PLEKHM2: variants seen among roughly 807,000 people sequenced by gnomAD.
PLEKHM2 encodes pleckstrin homology and RUN domain containing M2.
In PLEKHM2, 77 loss-of-function variants were observed where a neutral mutation model predicts 116.3. The ratio of observed to expected loss-of-function variants is 0.66; its 90% confidence interval spans 0.55 to 0.80. The LOEUF (loss-of-function observed/expected upper bound fraction) is 0.80, where lower values mean the gene tolerates loss of function less well. PLEKHM2 is among the 30% of genes least tolerant of loss of function. PLEKHM2 has a pLI of 0.00. For missense variants in PLEKHM2, 1,183 were observed against 1,354.9 expected, an observed-to-expected ratio of 0.87 and a Z score of 1.99; for synonymous variants, 562 against 571.0, an observed-to-expected ratio of 0.98 and a Z score of 0.22.
In PLEKHM2 at chr1:15,728,551, C is replaced by T; in HGVS notation, c.1922-118C>T. ...CCCTCTGTGAGCACTCCACGCCATT[C>T]TCCTACTGCAGGGCAAGGAGAGGCC... On this transcript the variant is annotated intron_variant, in intron 11 of 19. Coordinates refer to ENST00000375799, the MANE Select transcript of PLEKHM2 (RefSeq NM_015164.4). The surrounding 1 kb of genome is among the most constrained non-coding windows in gnomAD (Gnocchi z 5.9). 1 of 1,044,954 alleles carries T rather than the reference C, an allele frequency of 9.6e-7. No individual in the cohort carries two copies. The highest frequency in any genetic ancestry group is 1.4e-6 in the Non-Finnish European group (1 of 694,786). The allele number at this position is 1,044,954 out of a possible 1,614,324, so 64.7% of individuals were successfully genotyped here.
intron 1 of PLEKHM2, among the ~76,000 whole-genome samples, chr1:15,692,204 T>C (rs1047693420): frequency 6.6e-6 from 1 of 152,186 alleles, no homozygotes; most frequent in Non-Finnish European, 1.5e-5. Flanking sequence ...ACTATTTGGT[T>C]TAGATCAATA....
Position 15,728,839 on chromosome 1 carries a change from G to T in PLEKHM2, c.1986+106G>T. 9.1e-7 allele frequency: 1 copy of T among 1,094,790 alleles called. No individual in the cohort carries two copies. The highest frequency in any genetic ancestry group is 1.4e-5 in the South Asian group (1 of 73,314). 67.8% of individuals were successfully genotyped at this position (1,094,790 alleles called of 1,614,324 possible). A position where few individuals can be genotyped will look rare whatever the true frequency, so the allele number is the denominator to read the frequency against. ...GGCACGGCCCCTTACTCCCCTCCCG[G>T]GGTTGGGCACCAACTTAACTCTCAG... is the stretch of plus-strand genomic sequence containing the variant. On this transcript the variant is annotated intron_variant, in intron 12 of 19. Coordinates refer to ENST00000375799, the MANE Select transcript of PLEKHM2 (RefSeq NM_015164.4). This position sits in a 1 kb window ranked among gnomAD's most constrained non-coding sequence, Gnocchi z 5.9.
intron 1 of PLEKHM2, among the ~76,000 whole-genome samples, chr1:15,697,865 A>AGTGGCACAATCTCAGCTCACTG (rs1641030994): frequency 6.6e-6 from 1 of 151,704 alleles, no homozygotes; most frequent in Non-Finnish European, 1.5e-5. Flanking sequence ...CACCCCCTGC[A>AGTGGCACAATCTCAGCTCACTG]TATCTTTCAA....
rs1386042575 is a variant in PLEKHM2 at position 15,723,636 on chromosome 1, G to A, written c.713-1681G>A. On this transcript the variant is annotated intron_variant, in intron 7 of 19. Transcript: ENST00000375799. ...ACGCCTATAGTCCCAGCTACTCTGT[G>A]GGCTGAGGCAGGGCAGGAGGATCAC... 2.0e-5 allele frequency among the ~76,000 whole-genome samples: 3 copies of A among 151,784 alleles called. No individual in the cohort carries two copies. In the East Asian group the frequency reaches 5.8e-4, roughly 29 times the overall value.
At chr1:15,697,390 C>T (rs1275298074) in intron 1 of PLEKHM2, among the ~76,000 whole-genome samples, 2 of 152,208 alleles carry the variant, frequency 1.3e-5, no homozygotes, top group Admixed American at 1.3e-4. Flanking sequence ...GTCCTCGGTC[C>T]CTCCGTAAGA....
At chr1:15,718,671 G>A in intron 5 of PLEKHM2, 46 bp downstream of exon 5, 1 of 887,070 alleles carries the variant, frequency 1.1e-6, no homozygotes, top group Non-Finnish European at 1.8e-6. Context: ...AGAGGAGGGG[G>A]CAGGGTGGGG....
intron 3 of PLEKHM2, among the ~76,000 whole-genome samples, chr1:15,717,306 T>G (rs115038295): frequency 0.01 from 1,562 of 152,222 alleles, 28 homozygotes; most frequent in African/African-American, 0.034. Flanking sequence ...TCCAACACTT[T>G]GGGAGGGTAA....
Position 15,727,221 on chromosome 1 carries a change from G to C in PLEKHM2, c.1149G>C (p.Thr383=). 6.2e-7 allele frequency: 1 copy of C among 1,606,248 alleles called. No individual in the cohort carries two copies. Among genetic ancestry groups the C allele is most frequent in the Non-Finnish European group, 8.5e-7 (1 of 1,177,482 alleles). The change falls in exon 9 of 20, where the codon ACG becomes ACC. Residue 383 remains threonine, a synonymous_variant. Coordinates refer to ENST00000375799, the MANE Select transcript of PLEKHM2 (RefSeq NM_015164.4). The surrounding 1 kb of genome is among the most constrained non-coding windows in gnomAD (Gnocchi z 7.5). The stretch of plus-strand genomic sequence containing the variant: ...AGGGAGAGGGGCCGAGCAGCACCAC[G>C]GAGAGCAGCGAGCGCTCCGAGCCGG... ...QEEGEGPSST[T]ESSERSEPGL...
At chr1:15,732,577 T>A in intron 18 of PLEKHM2, 35 bp from the exon 19 acceptor site, 1 of 1,600,940 alleles carries the variant, frequency 6.2e-7, no homozygotes, top group Non-Finnish European at 8.5e-7. Context: ...GAAGGAAAGC[T>A]CTGGCTGCTC....
At chr1:15,733,666 C>A in intron 19 of PLEKHM2, 131 bp from the exon 20 acceptor site, 1 of 972,366 alleles carries the variant, frequency 1.0e-6, no homozygotes, top group Non-Finnish European at 1.6e-6. Context: ...GGAAGATGTT[C>A]CCAGGGAGAG....
rs2068147920 is a variant in PLEKHM2, at chr1:15,731,885, C to T, written c.2466-4C>T. The T allele has an allele frequency of 6.2e-7, 1 of 1,609,684 alleles. No homozygotes were observed. The highest frequency in any genetic ancestry group is 8.5e-7 in the Non-Finnish European group (1 of 1,178,468). On this transcript the variant is annotated splice_polypyrimidine_tract_variant and splice_region_variant and intron_variant, in intron 16 of 19. Transcript: ENST00000375799. ...TCCCGTTTCACCCTCCTCCTCTGGC[C>T]CAGGGGGGAGCAGTGCGGTGGCTGC... is the stretch of plus-strand genomic sequence containing the variant.
At chr1:15,717,848 A>G (rs1041238941) in intron 3 of PLEKHM2, 45 bp from the exon 4 acceptor site, 1 of 1,237,838 alleles carries the variant, frequency 8.1e-7, no homozygotes, top group African/African-American at 1.5e-5. Flanking sequence ...AAAAGCCAGC[A>G]GTCTGAGAGG....
chr1:15,698,915 T>C (rs901300821), intron 1 of PLEKHM2, among the ~76,000 whole-genome samples: 19 of 152,192 alleles, frequency 1.2e-4, no homozygotes, highest in Non-Finnish European at 8.8e-5. Flanking sequence ...TTGGTTCTTA[T>C]GCGGGGGTGA....
At chr1:15,693,998 A>G (rs1640939769) in intron 1 of PLEKHM2, among the ~76,000 whole-genome samples, 2 of 152,100 alleles carry the variant, frequency 1.3e-5, no homozygotes, top group African/African-American at 4.8e-5. Context: ...CTTCTGTCCA[A>G]CGGAAGCAGT....
rs1571063613 is a variant in PLEKHM2, at chr1:15,725,549, A to G, written c.941+4A>G. 1.3e-6 allele frequency: 2 copies of G among 1,553,328 alleles called. No homozygotes were observed. The highest frequency in any genetic ancestry group is 4.8e-5 in the East Asian group (2 of 41,298). On this transcript the variant is annotated splice_donor_region_variant and intron_variant, in intron 8 of 19. Coordinates refer to ENST00000375799, the MANE Select transcript of PLEKHM2 (RefSeq NM_015164.4). ...GCACGGAGCTCGAGGTCATCAGGTC[A>G]GCAGGGAGGGGCCCAGAAAGGAGCT...
chr1:15,734,061 C>T lies in PLEKHM2; in HGVS notation c.*127C>T, dbSNP rs1244872414. 9.4e-7 allele frequency: 1 copy of T among 1,068,810 alleles called. No homozygotes were observed. The highest frequency in any genetic ancestry group is 1.6e-5 in the African/African-American group (1 of 62,392). The allele number at this position is 1,068,810 out of a possible 1,614,324, so 66.2% of individuals were successfully genotyped here. A position where few individuals can be genotyped will look rare whatever the true frequency, so the allele number is the denominator to read the frequency against. ...ACCCCTGCCCTGGGCGGCAGAACCACCGAGTGTGGCTTAAGACAGGGTCCC... is the reference window on the plus strand; with the variant it reads ...ACCCCTGCCCTGGGCGGCAGAACCATCGAGTGTGGCTTAAGACAGGGTCCC... On this transcript the variant is annotated 3_prime_UTR_variant, in exon 20 of 20. Coordinates refer to ENST00000375799, the MANE Select transcript of PLEKHM2 (RefSeq NM_015164.4).
intron 8 of PLEKHM2, among the ~76,000 whole-genome samples, chr1:15,726,679 G>T (rs556463356): frequency 1.4e-4 from 21 of 152,318 alleles, no homozygotes; most frequent in African/African-American, 4.8e-4. Flanking sequence ...TGCCTGACCA[G>T]CCATGGCCTG....
chr1:15,694,927 T>C (rs999818935), intron 1 of PLEKHM2, among the ~76,000 whole-genome samples: 1 of 152,006 alleles, frequency 6.6e-6, no homozygotes, highest in African/African-American at 2.4e-5. Context: ...TGGGCTAGTT[T>C]TTGTATTTTT....
intron 1 of PLEKHM2, among the ~76,000 whole-genome samples, chr1:15,700,652 C>T (rs1641091352): frequency 6.6e-6 from 1 of 152,154 alleles, no homozygotes; most frequent in South Asian, 2.1e-4. Context: ...AATGGGAGGC[C>T]CCAGGAAACT....
Sources: gnomAD v4.1 joint callset for allele counts (sites outside exome capture counted in the v4.1 genomes callset) on GRCh38, gnomAD v4.1.1 for gene constraint, Gnocchi (gnomAD v3.1) non-coding constraint, MANE v1.5 for transcripts, NCBI Gene and HGNC (gene_info 2026-07-23, HGNC 2026-07-21) for gene names.